The following SYCP2L variants were observed in gnomAD, a reference collection of about 807,000 sequenced individuals.
The protein encoded by SYCP2L is synaptonemal complex protein 2 like, also known as synaptonemal complex protein 2-like.
SYCP2L carries 98 observed loss-of-function variants against 125.8 expected under a neutral mutation model. That is an observed-to-expected ratio of 0.78 (90% CI 0.66 to 0.92). SYCP2L has a LOEUF of 0.92. Among genes scored for constraint, SYCP2L ranks in the 40% least tolerant of loss-of-function variants. SYCP2L has a pLI of 0.00. For missense variants in SYCP2L, 842 were observed against 936.4 expected (o/e 0.90, Z 1.32); for synonymous variants, 317 against 325.4 (o/e 0.97, Z 0.28).
intron 25 of SYCP2L, among the ~76,000 whole-genome samples, chr6:10,956,972 G>A (rs1322090007): frequency 6.6e-6 from 1 of 152,074 alleles, no homozygotes; most frequent in South Asian, 2.1e-4. Context: ...GACTACAGGT[G>A]CATGCCACCA....
intron 23 of SYCP2L, among the ~76,000 whole-genome samples, chr6:10,953,184 C>G (rs1460389919): frequency 1.3e-5 from 2 of 152,068 alleles, no homozygotes; most frequent in Non-Finnish European, 2.9e-5. Context: ...CTTTTTCTTT[C>G]TCAATTGGTA....
chr6:10,938,646 A>G (rs1264597438), intron 21 of SYCP2L, among the ~76,000 whole-genome samples: 1 of 152,218 alleles, frequency 6.6e-6, no homozygotes, highest in East Asian at 1.9e-4. Flanking sequence ...TTTTACATAT[A>G]TCAAACTGTA....
chr6:10,972,545 C>A (rs553635914), intron 29 of SYCP2L, among the ~76,000 whole-genome samples: 2 of 152,292 alleles, frequency 1.3e-5, no homozygotes, highest in African/African-American at 4.8e-5. Context: ...TTTTGCTTTA[C>A]CGTTCTTTTT....
At chr6:10,965,510 G>A (rs1781663801) in intron 29 of SYCP2L, among the ~76,000 whole-genome samples, 1 of 152,158 alleles carries the variant, frequency 6.6e-6, no homozygotes, top group Non-Finnish European at 1.5e-5. Context: ...TGGAGTAACT[G>A]GGCAATTTTC....
intron 18 of SYCP2L, among the ~76,000 whole-genome samples, chr6:10,928,680 AG>A (rs1327538779): frequency 2.0e-5 from 3 of 152,222 alleles, no homozygotes. Flanking sequence ...CAAGAACTAC[AG>A]GTGGTGCCAC....
chr6:10,904,078 G>A (rs1780440944), intron 8 of SYCP2L, among the ~76,000 whole-genome samples: 1 of 152,190 alleles, frequency 6.6e-6, no homozygotes, highest in Non-Finnish European at 1.5e-5. Flanking sequence ...TTATTGTAAA[G>A]GTTAAATCAA....
intron 23 of SYCP2L, among the ~76,000 whole-genome samples, chr6:10,947,596 A>G (rs544572005): frequency 1.3e-5 from 2 of 152,182 alleles, no homozygotes; most frequent in Admixed American, 6.5e-5. Flanking sequence ...TTATAAAATA[A>G]CCCTGTATCT....
chr6:10,931,477 T>A lies in SYCP2L; in HGVS notation c.1671T>A (p.His557Gln). 6.2e-7 allele frequency: 1 copy of A among 1,612,112 alleles called. No homozygotes were observed. Among genetic ancestry groups the A allele is most frequent in the African/African-American group, 1.3e-5 (1 of 75,016 alleles). The change falls in exon 20 of 30, where the codon CAT becomes CAA. Residue 557 changes from histidine to glutamine, a missense_variant. His to Gln is a conservative substitution (Grantham distance 24, BLOSUM62 0). Coordinates refer to ENST00000283141, the MANE Select transcript of SYCP2L (RefSeq NM_001040274.3). ...PVFPPSSGSG[H>Q]EKDQAKLLSP... ...TCCCTCCCAGTAGTGGCAGTGGCCA[T>A]GAGAAAGACCAAGTAAGTACATTGT...
At chr6:10,923,006 CT>C (rs1047403676) in intron 14 of SYCP2L, among the ~76,000 whole-genome samples, 3 of 152,056 alleles carry the variant, frequency 2.0e-5, no homozygotes, top group Non-Finnish European at 4.4e-5. Flanking sequence ...TTACATTCTT[CT>C]TTTGTGTACT....
chr6:10,972,886 T>A (rs1561705935), intron 29 of SYCP2L, among the ~76,000 whole-genome samples: 1 of 152,078 alleles, frequency 6.6e-6, no homozygotes, highest in Non-Finnish European at 1.5e-5. Context: ...GCTGATAGAT[T>A]TTGTCTGCAT....
intron 23 of SYCP2L, among the ~76,000 whole-genome samples, chr6:10,953,283 T>A (rs182365804): frequency 6.6e-6 from 1 of 152,204 alleles, no homozygotes; most frequent in East Asian, 1.9e-4. Flanking sequence ...GATCTTAAAG[T>A]GCTAAATATA....
intron 21 of SYCP2L, among the ~76,000 whole-genome samples, chr6:10,941,424 A>C (rs897325558): frequency 1.3e-5 from 2 of 152,250 alleles, no homozygotes; most frequent in Non-Finnish European, 2.9e-5. Context: ...GCTAATATCC[A>C]GAATCTACAA....
At chr6:10,908,990 C>T (rs747549629) in intron 10 of SYCP2L, among the ~76,000 whole-genome samples, 67 of 152,256 alleles carry the variant, frequency 4.4e-4, no homozygotes, top group Non-Finnish European at 8.7e-4. Flanking sequence ...TAGGCGCTCA[C>T]GTGTTAATTT....
Position 10,898,051 on chromosome 6 carries a change from C to G in SYCP2L, c.377C>G (p.Ser126Trp). The G allele has an allele frequency of 6.2e-7, 1 of 1,614,088 alleles. No homozygotes were observed. The highest frequency in any genetic ancestry group is 1.3e-5 in the African/African-American group (1 of 75,044). ...WFERTTGILT[S>W]EGLASDTSLI... ...GAAAGAACAACAGGAATTCTGACCT[C>G]GGAAGGCCTAGCCTCAGACACGTCG... Residue 126 changes from serine (S) to tryptophan (W), a missense_variant, in exon 5 of 30, where the codon TCG (serine) becomes TGG (tryptophan). By Grantham distance (177) the Ser-to-Trp change is radical. Transcript: ENST00000283141.
chr6:10,915,250 T>A (rs1780672882), intron 14 of SYCP2L, among the ~76,000 whole-genome samples: 1 of 152,178 alleles, frequency 6.6e-6, no homozygotes, highest in African/African-American at 2.4e-5. Context: ...AGGTATACAA[T>A]CATTATCATC....
intron 14 of SYCP2L, among the ~76,000 whole-genome samples, chr6:10,922,356 G>A (rs55999400): frequency 0.19 from 29,502 of 151,988 alleles, 3,564 homozygotes; most frequent in Middle Eastern, 0.32. Context: ...AGCCCTTCTG[G>A]TTATGGAGTT....
At chr6:10,927,171 T>G in intron 16 of SYCP2L, 69 bp from the exon 17 acceptor site, 1 of 1,582,560 alleles carries the variant, frequency 6.3e-7, no homozygotes, top group Non-Finnish European at 8.6e-7. Context: ...GGACATCCCA[T>G]GAAGACCACT....
intron 9 of SYCP2L, among the ~76,000 whole-genome samples, chr6:10,906,601 C>CTT (rs34420052): frequency 3.5e-5 from 5 of 144,082 alleles, no homozygotes; most frequent in African/African-American, 1.0e-4. Context: ...GTAGTAGAAA[C>CTT]TTTTTTTTTT....
intron 23 of SYCP2L, among the ~76,000 whole-genome samples, chr6:10,951,698 G>C (rs1781413837): frequency 2.0e-5 from 3 of 152,160 alleles, no homozygotes; most frequent in African/African-American, 7.2e-5. Flanking sequence ...AACCACAGAG[G>C]ATCTTTTGGT....
Sources: allele counts gnomAD v4.1 joint callset (sites outside exome capture counted in the v4.1 genomes callset), GRCh38; gene constraint gnomAD v4.1.1; transcripts MANE v1.5; gene names NCBI Gene and HGNC (gene_info 2026-07-23, HGNC 2026-07-21).